The following POTEG variants were observed in gnomAD, a reference collection of about 807,000 sequenced individuals.
The protein encoded by POTEG is ANKRD26-like family C member 2.
Under a neutral mutation model 49.6 loss-of-function variants are expected in POTEG, and 2 were observed. The observed-to-expected ratio is 0.04, with a 90% CI of 0.02 to 0.13. POTEG has a LOEUF of 0.13. POTEG is among the 10% of genes least tolerant of loss of function. POTEG has a pLI of 1.00. For synonymous variants in POTEG, 7 were observed against 186.6 expected (o/e 0.04, Z 7.84); for missense variants, 26 against 545.2 (o/e 0.05, Z 9.48).
chr14:19,428,314 CA>C (rs1884028486), intron 3 of POTEG, among the ~76,000 whole-genome samples: 1 of 8,372 alleles, frequency 1.2e-4, no homozygotes, highest in African/African-American at 7.6e-4. Context: ...TCAGTGTTTT[CA>C]AAAAAAAGTA....
intron 7 of POTEG, among the ~76,000 whole-genome samples, chr14:19,415,723 G>C (rs1486770877): frequency 3.0e-4 from 46 of 151,936 alleles, no homozygotes; most frequent in African/African-American, 1.1e-3. Context: ...AAATTTCATA[G>C]TGGGTTATGT....
At chr14:19,416,004 C>A in intron 7 of POTEG, among the ~76,000 whole-genome samples, 1 of 148,240 alleles carries the variant, frequency 6.7e-6, no homozygotes, top group African/African-American at 2.4e-5. Flanking sequence ...ACCACCACAC[C>A]CGGCTAAGAT....
chr14:19,430,869 G>GA (rs1884108560), intron 1 of POTEG, among the ~76,000 whole-genome samples: 1 of 146,878 alleles, frequency 6.8e-6, no homozygotes, highest in Non-Finnish European at 1.5e-5. Context: ...TATATATAAT[G>GA]AAAAGGTAAT....
At chr14:19,407,005 A>AG (rs1883316422) in intron 9 of POTEG, among the ~76,000 whole-genome samples, 1 of 152,290 alleles carries the variant, frequency 6.6e-6, no homozygotes, top group Admixed American at 6.5e-5. Context: ...ATTCATACAA[A>AG]TCTATGGACA....
At chr14:19,415,932 C>A (rs1462211528) in intron 7 of POTEG, among the ~76,000 whole-genome samples, 1 of 146,258 alleles carries the variant, frequency 6.8e-6, no homozygotes, top group South Asian at 2.2e-4. Context: ...GCAAGCTCCA[C>A]CCCCCAGGTT....
chr14:19,418,915 G>T (rs1237884696), intron 6 of POTEG, among the ~76,000 whole-genome samples: 5 of 57,412 alleles, frequency 8.7e-5, no homozygotes, highest in Admixed American at 2.3e-4. Flanking sequence ...TTACAAAATG[G>T]CTTTTATTAA....
At chr14:19,415,003 C>A (rs1233328723) in intron 7 of POTEG, among the ~76,000 whole-genome samples, 2 of 143,888 alleles carry the variant, frequency 1.4e-5, no homozygotes, top group African/African-American at 5.0e-5. Flanking sequence ...AAAGAGTTTA[C>A]CTCATGAAAC....
At chr14:19,430,767 G>T (rs1489398196) in intron 1 of POTEG, among the ~76,000 whole-genome samples, 4 of 106,290 alleles carry the variant, frequency 3.8e-5, no homozygotes, top group African/African-American at 1.7e-4. Context: ...CAATACATTT[G>T]CAATAGTAAT....
chr14:19,415,532 A>C (rs1883520678), intron 7 of POTEG, among the ~76,000 whole-genome samples: 1 of 149,136 alleles, frequency 6.7e-6, no homozygotes, highest in Admixed American at 6.7e-5. Context: ...TACATTGTTC[A>C]TAATTCTATT....
chr14:19,414,356 T>G (rs578150675), intron 8 of POTEG, among the ~76,000 whole-genome samples: 1 of 146,242 alleles, frequency 6.8e-6, no homozygotes, highest in South Asian at 2.2e-4. Context: ...CATTCGGGAC[T>G]ATTCCATAAT....
intron 1 of POTEG, among the ~76,000 whole-genome samples, chr14:19,433,000 C>G (rs1423103973): frequency 1.6e-5 from 1 of 62,064 alleles, no homozygotes; most frequent in Admixed American, 1.7e-4. Flanking sequence ...TCTCGGCTCA[C>G]TGCAAGCTCC....
At position 19,420,049 on chromosome 14, in the gene POTEG, A is replaced by G. The variant is rs1218874982; in HGVS notation, c.1126+1575T>C. 3.1e-5 allele frequency among the ~76,000 whole-genome samples: 4 copies of G among 130,878 alleles called. No homozygotes were observed. The East Asian group carries it at 6.7e-4, about 22-fold the overall frequency. 85.9% of individuals were successfully genotyped at this position (130,878 alleles called of 152,430 possible). On this transcript the variant is annotated intron_variant, in intron 6 of 10. Coordinates refer to ENST00000547848, the MANE Select transcript of POTEG (RefSeq NM_001005356.3). ...AAAGTGAATTGCTCAGAATCCCTGC[A>G]AAGTTCACTCAAGCATCTTGTCTTT...
Position 19,415,829 on chromosome 14 carries a change from ATTTTTTTTTTTTTTTTTT to A in POTEG, c.1197+441_1197+458del, listed in dbSNP as rs58833974. ...CAATAAATTTTAAGAATCTATTAAA[ATTTTTTTTTTTTTTTTTT>A]TTTTTTTTTTTTTTTTGACACAGAG... On this transcript the variant is annotated intron_variant, in intron 7 of 10. Transcript: ENST00000547848. 7.2e-5 allele frequency among the ~76,000 whole-genome samples: 7 copies of A among 96,746 alleles called. No homozygotes were observed. In the East Asian group the frequency reaches 1.9e-3, roughly 26 times the overall value. The allele number at this position is 96,746 out of a possible 152,430, so 63.5% of individuals were successfully genotyped here.
chr14:19,429,077 CCTG>C, intron 1 of POTEG, 88 bp from the exon 2 acceptor site: 4 of 405,096 alleles, frequency 9.9e-6, no homozygotes, highest in South Asian at 6.4e-5. Flanking sequence ...CACTGAATAG[CCTG>C]CTATTACTGT....
chr14:19,426,732 C>A (rs200531248), intron 3 of POTEG: 4 of 414,724 alleles, frequency 9.6e-6, no homozygotes, highest in Non-Finnish European at 1.9e-5. Context: ...GTGGCTCACA[C>A]CTGTAATCCT....
chr14:19,432,413 T>C (rs559116237), intron 1 of POTEG, among the ~76,000 whole-genome samples: 1,305 of 71,506 alleles, frequency 0.018, 27 homozygotes, highest in Middle Eastern at 0.028. Context: ...TACACACACA[T>C]GTATATATAT....
chr14:19,429,450 CATTTGA>C (rs1884066296), intron 1 of POTEG, among the ~76,000 whole-genome samples: 1 of 58,182 alleles, frequency 1.7e-5, no homozygotes, highest in Admixed American at 2.1e-4. Flanking sequence ...CTAAAGACAA[CATTTGA>C]ATTAAGTGAG....
chr14:19,426,293 G>A (rs1225946349), intron 3 of POTEG, among the ~76,000 whole-genome samples: 10 of 145,846 alleles, frequency 6.9e-5, no homozygotes, highest in Non-Finnish European at 1.4e-4. Flanking sequence ...TAGGACTACT[G>A]AAACTAAATT....
intron 7 of POTEG, among the ~76,000 whole-genome samples, chr14:19,415,992 C>A (rs1594274019): frequency 6.7e-6 from 1 of 149,038 alleles, no homozygotes; most frequent in Admixed American, 6.7e-5. Flanking sequence ...CTACAGGTGC[C>A]CACCACCACA....
Sources: allele counts gnomAD v4.1 joint callset (sites outside exome capture counted in the v4.1 genomes callset), GRCh38; gene constraint gnomAD v4.1.1; transcripts MANE v1.5; gene names NCBI Gene and HGNC (gene_info 2026-07-23, HGNC 2026-07-21).